The following LGR4 variants were observed in gnomAD, a reference collection of about 807,000 sequenced individuals.
The protein encoded by LGR4 is leucine-rich repeat-containing G protein-coupled receptor 4.
Under a neutral mutation model 84.8 loss-of-function variants are expected in LGR4, and 44 were observed. The observed-to-expected ratio is 0.52, with a 90% confidence interval of 0.41 to 0.67. The LOEUF (loss-of-function observed/expected upper bound fraction) is 0.67. Ranked by LOEUF, LGR4 falls within the 30% of genes least tolerant of loss-of-function variation. The probability of loss-of-function intolerance (pLI) is 0.00; values close to 1 mark genes in which losing one functional copy is unlikely to be tolerated. For synonymous variants in LGR4, 429 were observed against 434.3 expected, an observed-to-expected ratio of 0.99 and a Z score of 0.15; for missense variants, 1,032 against 1,131.4, an observed-to-expected ratio of 0.91 and a Z score of 1.26.
At chr11:27,435,907 T>G (rs750039169) in intron 1 of LGR4, among the ~76,000 whole-genome samples, 101 of 151,578 alleles carry the variant, frequency 6.7e-4, no homozygotes, top group Non-Finnish European at 1.1e-3. Flanking sequence ...GAACTGGAAA[T>G]GGAACTTCTT....
In LGR4 at chr11:27,467,551, C is replaced by T. The variant is rs534636789; in HGVS notation, c.185+4567G>A. 8.3e-4 allele frequency among the ~76,000 whole-genome samples: 112 copies of T among 135,496 alleles called. 1 individual carries two copies. In the South Asian group the frequency reaches 0.015, roughly 19 times the overall value. 88.9% of individuals were successfully genotyped at this position (135,496 alleles called of 152,430 possible). ...CACTGCACTCCAGCCTGGGCAACAG[C>T]GCAAGAGTCCGTCTCAAAAAAAAAA... On this transcript the variant is annotated intron_variant, in intron 1 of 17. Transcript: ENST00000379214.
intron 3 of LGR4, 60 bp downstream of exon 3, chr11:27,392,387 T>C (rs927850716): frequency 6.5e-5 from 86 of 1,315,814 alleles, no homozygotes; most frequent in Non-Finnish European, 8.7e-5. Flanking sequence ...TCCAAGCATG[T>C]TGACTACGCA....
At chr11:27,461,771 G>T (rs1864686291) in intron 1 of LGR4, among the ~76,000 whole-genome samples, 1 of 148,124 alleles carries the variant, frequency 6.8e-6, no homozygotes, top group Non-Finnish European at 1.5e-5. Context: ...TGGAAAGAAA[G>T]AAAGTGATCC....
intron 1 of LGR4, among the ~76,000 whole-genome samples, chr11:27,454,895 A>G (rs1227722730): frequency 6.6e-6 from 1 of 152,236 alleles, no homozygotes; most frequent in African/African-American, 2.4e-5. Flanking sequence ...AGGAAATTTT[A>G]TCTTGTCATC....
At chr11:27,432,807 C>T (rs371157247) in intron 1 of LGR4, among the ~76,000 whole-genome samples, 27 of 152,316 alleles carry the variant, frequency 1.8e-4, no homozygotes, top group African/African-American at 6.5e-4. Flanking sequence ...TATTCTTCCG[C>T]TCTGGCTAGG....
At chr11:27,468,470 A>C (rs1864818142) in intron 1 of LGR4, among the ~76,000 whole-genome samples, 1 of 152,190 alleles carries the variant, frequency 6.6e-6, no homozygotes, top group Non-Finnish European at 1.5e-5. Flanking sequence ...CACACTTCTA[A>C]ACACAAAGAA....
chr11:27,441,807 G>A (rs968172993), intron 1 of LGR4, among the ~76,000 whole-genome samples: 5 of 152,292 alleles, frequency 3.3e-5, no homozygotes, highest in African/African-American at 1.2e-4. Context: ...CAAAAGGATT[G>A]TCCATGTTGG....
chr11:27,446,414 G>A (rs1864391296), intron 1 of LGR4, among the ~76,000 whole-genome samples: 1 of 152,174 alleles, frequency 6.6e-6, no homozygotes, highest in Non-Finnish European at 1.5e-5. Context: ...CATTTATGCA[G>A]CCAAAAGACA....
intron 13 of LGR4, among the ~76,000 whole-genome samples, chr11:27,374,546 T>C (rs1198744500): frequency 6.6e-6 from 1 of 152,110 alleles, no homozygotes; most frequent in Non-Finnish European, 1.5e-5. Context: ...AAAAATTGCA[T>C]CAACAGTACA....
At chr11:27,389,058 CT>C (rs1247556294) in intron 4 of LGR4, among the ~76,000 whole-genome samples, 1 of 152,110 alleles carries the variant, frequency 6.6e-6, no homozygotes, top group Admixed American at 6.6e-5. Context: ...CCCTAATGAA[CT>C]TTGCTTCTTT....
chr11:27,463,030 C>G (rs1193591683), intron 1 of LGR4, among the ~76,000 whole-genome samples: 1 of 110,060 alleles, frequency 9.1e-6, no homozygotes, highest in African/African-American at 3.5e-5. Flanking sequence ...CCCAGGAGTT[C>G]AAGACCAACC....
chr11:27,381,324 C>T (rs1863088462), intron 7 of LGR4, among the ~76,000 whole-genome samples: 1 of 152,170 alleles, frequency 6.6e-6, no homozygotes, highest in South Asian at 2.1e-4. Flanking sequence ...TGTTAACCAT[C>T]AACTAGCTCA....
At chr11:27,430,886 A>C (rs1379598273) in intron 1 of LGR4, among the ~76,000 whole-genome samples, 9 of 145,322 alleles carry the variant, frequency 6.2e-5, no homozygotes, top group African/African-American at 7.7e-5. Context: ...AATCATCCCC[A>C]CCCCACTCCC....
At chr11:27,459,577 A>G (rs770857419) in intron 1 of LGR4, among the ~76,000 whole-genome samples, 9 of 151,850 alleles carry the variant, frequency 5.9e-5, no homozygotes, top group Non-Finnish European at 1.3e-4. Context: ...CCTGGGTTCA[A>G]GTGATTCTCC....
chr11:27,395,254 C>T (rs1355248772), intron 2 of LGR4, among the ~76,000 whole-genome samples: 1 of 151,946 alleles, frequency 6.6e-6, no homozygotes, highest in Non-Finnish European at 1.5e-5. Context: ...CAGAGTAAGG[C>T]TGTTACAGGA....
intron 1 of LGR4, among the ~76,000 whole-genome samples, chr11:27,433,274 G>A (rs767424130): frequency 3.0e-4 from 46 of 152,030 alleles, no homozygotes; most frequent in Non-Finnish European, 8.8e-5. Context: ...GTGCAGTGGC[G>A]CCATCTCGGC....
At chr11:27,402,760 CT>C (rs982871969) in intron 2 of LGR4, among the ~76,000 whole-genome samples, 2 of 152,178 alleles carry the variant, frequency 1.3e-5, no homozygotes, top group Admixed American at 1.3e-4. Flanking sequence ...AAGATGCCTT[CT>C]TAAAGAAAGC....
chr11:27,446,106 T>C (rs1344090180), intron 1 of LGR4, among the ~76,000 whole-genome samples: 1 of 152,212 alleles, frequency 6.6e-6, no homozygotes, highest in Non-Finnish European at 1.5e-5. Flanking sequence ...GATTCCTGCC[T>C]ATAGAGAGCT....
chr11:27,397,780 GCACATGAT>G (rs1863417518), intron 2 of LGR4, among the ~76,000 whole-genome samples: 1 of 152,170 alleles, frequency 6.6e-6, no homozygotes, highest in Non-Finnish European at 1.5e-5. Context: ...GCTGTGTTGT[GCACATGAT>G]CACACAGAAT....
Sources: gnomAD v4.1 joint callset for allele counts (sites outside exome capture counted in the v4.1 genomes callset) on GRCh38, gnomAD v4.1.1 for gene constraint, MANE v1.5 for transcripts, NCBI Gene and HGNC (gene_info 2026-07-23, HGNC 2026-07-21) for gene names.